CTNNA1: variants seen among roughly 807,000 people sequenced by gnomAD.
The protein encoded by CTNNA1 is catenin alpha-1.
A neutral mutation model predicts 98.4 loss-of-function variants in CTNNA1; 37 were observed. The observed-to-expected ratio is 0.38, with a 90% CI of 0.29 to 0.49. The LOEUF (loss-of-function observed/expected upper bound fraction) is 0.49. Ranked by LOEUF, CTNNA1 falls within the 20% of genes least tolerant of loss-of-function variation. The probability of loss-of-function intolerance (pLI) is 0.95; values close to 1 mark genes in which losing one functional copy is unlikely to be tolerated. For synonymous variants in CTNNA1, 404 were observed against 413.2 expected (o/e 0.98, Z 0.27); for missense variants, 761 against 1,147.2 (o/e 0.66, Z 4.86).
intron 14 of CTNNA1, among the ~76,000 whole-genome samples, chr5:138,930,217 C>G (rs947548140): frequency 7.2e-5 from 11 of 152,118 alleles, no homozygotes; most frequent in African/African-American, 2.7e-4. Flanking sequence ...GGTGTGATTC[C>G]AAAGCTTCCA....
chr5:138,866,191 ATAATTAAT>A (rs1024250293), intron 7 of CTNNA1, among the ~76,000 whole-genome samples: 2 of 152,154 alleles, frequency 1.3e-5, no homozygotes, highest in Non-Finnish European at 2.9e-5. Flanking sequence ...CGGTCTGGAA[ATAATTAAT>A]TAATTAAAAA....
chr5:138,885,036 T>TC (rs34597965), intron 7 of CTNNA1, among the ~76,000 whole-genome samples: 1 of 152,188 alleles, frequency 6.6e-6, no homozygotes, highest in Non-Finnish European at 1.5e-5. Context: ...CTCTTACTAT[T>TC]CCCTGTTGTC....
intron 4 of CTNNA1, 41 bp downstream of exon 4, chr5:138,810,245 G>C: frequency 1.3e-6 from 2 of 1,589,768 alleles, no homozygotes; most frequent in South Asian, 2.2e-5. Flanking sequence ...TTCTATCACA[G>C]GAAGATTGCT....
chr5:138,871,990 C>G lies in CTNNA1; in HGVS notation c.1063-14222C>G, dbSNP rs1189348045. 2.0e-5 allele frequency: 3 copies of G among 150,432 alleles called. No homozygotes were observed. The East Asian group carries it at 5.9e-4, about 29-fold the overall frequency. The allele number at this position is 150,432 out of a possible 1,614,324, so 9.3% of individuals were successfully genotyped here. On this transcript the variant is annotated intron_variant, in intron 7 of 17. Coordinates refer to ENST00000302763, the MANE Select transcript of CTNNA1 (RefSeq NM_001903.5). ...AGAGGTTTAAACCCCTTTGTCAAGGCATCTTTGATCATGATAGTTGAGAGA... is the reference window on the plus strand; with the variant it reads ...AGAGGTTTAAACCCCTTTGTCAAGGGATCTTTGATCATGATAGTTGAGAGA...
chr5:138,797,125 C>G (rs1477197562), intron 3 of CTNNA1, among the ~76,000 whole-genome samples: 1 of 152,156 alleles, frequency 6.6e-6, no homozygotes, highest in African/African-American at 2.4e-5. Flanking sequence ...TTTGCATGAA[C>G]TAGCAGCCAT....
intron 9 of CTNNA1, among the ~76,000 whole-genome samples, chr5:138,890,100 T>C (rs754937781): frequency 6.6e-6 from 1 of 152,194 alleles, no homozygotes; most frequent in Non-Finnish European, 1.5e-5. Context: ...AGGCCAACTT[T>C]GGTTTTAAGG....
intron 2 of CTNNA1, chr5:138,782,352 A>C (rs556017294): frequency 1.5e-5 from 7 of 477,682 alleles, no homozygotes; most frequent in South Asian, 9.3e-5. Flanking sequence ...TTGATTGTTA[A>C]GGTCTCTCAC....
At chr5:138,812,851 C>A (rs1407240315) in intron 5 of CTNNA1, among the ~76,000 whole-genome samples, 1 of 152,210 alleles carries the variant, frequency 6.6e-6, no homozygotes, top group East Asian at 1.9e-4. Context: ...CTTTGAAACC[C>A]TTCCTGTGCC....
Position 138,791,615 on chromosome 5 carries a change from C to CAAAAAAAA in CTNNA1, c.301+8263_301+8270dup, listed in dbSNP as rs1181055311. Among the ~76,000 whole-genome samples the CAAAAAAAA allele has an allele frequency of 4.8e-3, 194 of 40,292 alleles. 27 individuals carry two copies. The highest frequency in any genetic ancestry group is 0.021 in the African/African-American group (190 of 9,194). 26.4% of individuals were successfully genotyped at this position (40,292 alleles called of 152,430 possible). On this transcript the variant is annotated intron_variant, in intron 3 of 17. Coordinates refer to ENST00000302763, the MANE Select transcript of CTNNA1 (RefSeq NM_001903.5). ...CTGGAGACAGAGCAAGACTCCGTCTCAAAAAAAAAAAAAAAAAAAAAAAAA... is the reference window on the plus strand; with the variant it reads ...CTGGAGACAGAGCAAGACTCCGTCTCAAAAAAAAAAAAAAAAAAAAAAAAAAAAAAAAA...
intron 1 of CTNNA1, chr5:138,754,465 AATT>A (rs1346380655): frequency 6.6e-6 from 1 of 152,088 alleles, no homozygotes; most frequent in African/African-American, 2.4e-5. Flanking sequence ...CAGAATTTAC[AATT>A]ATTTGGAAAA....
chr5:138,838,176 C>G (rs1761967190), intron 7 of CTNNA1, among the ~76,000 whole-genome samples: 1 of 152,358 alleles, frequency 6.6e-6, no homozygotes, highest in Middle Eastern at 3.4e-3. Context: ...TCTGGGATTA[C>G]AGGCGTGAGC....
intron 7 of CTNNA1, among the ~76,000 whole-genome samples, chr5:138,831,848 A>G (rs1018351574): frequency 3.9e-5 from 6 of 152,224 alleles, no homozygotes; most frequent in African/African-American, 1.4e-4. Flanking sequence ...TGCTTGCTTA[A>G]TGAACTCATG....
intron 7 of CTNNA1, among the ~76,000 whole-genome samples, chr5:138,858,388 A>G (rs1386245543): frequency 6.6e-6 from 1 of 152,052 alleles, no homozygotes; most frequent in Non-Finnish European, 1.5e-5. Flanking sequence ...TGGCTTCCCA[A>G]AGTGCTAGGA....
At chr5:138,886,552 T>C (rs1416527129) in intron 8 of CTNNA1, among the ~76,000 whole-genome samples, 1 of 152,104 alleles carries the variant, frequency 6.6e-6, no homozygotes, top group Non-Finnish European at 1.5e-5. Context: ...GGTAGGAAAA[T>C]AAATTTAAAA....
At chr5:138,923,105 T>C (rs1489474838) in intron 11 of CTNNA1, among the ~76,000 whole-genome samples, 3 of 152,194 alleles carry the variant, frequency 2.0e-5, no homozygotes, top group Non-Finnish European at 4.4e-5. Context: ...ATCAACATGA[T>C]TTCTTTCAAT....
At position 138,824,641 on chromosome 5, in the gene CTNNA1, G is replaced by A. The variant is rs570687363; in HGVS notation, c.700G>A (p.Val234Ile). 6 of 1,614,232 alleles carry A rather than the reference G, an allele frequency of 3.7e-6. No homozygotes were observed. The highest frequency in any genetic ancestry group is 1.1e-5 in the South Asian group (1 of 91,082). Residue 234 changes from valine to isoleucine, a missense_variant, in exon 6 of 18, where the codon GTC becomes ATC. Physicochemically the swap from Val to Ile is conservative, Grantham distance 29. This residue lies in a region of CTNNA1 where 328 missense variants were observed against 354.3 expected (regional missense o/e 0.93). Coordinates refer to ENST00000302763, the MANE Select transcript of CTNNA1 (RefSeq NM_001903.5). ...CCAGGCATGCCTACAGCACCCTGAT[G>A]TCGCAGCCTATAAGGCCAACAGGGA... ...ASQACLQHPDVAAYKANRDLI... is the reference protein window; with the variant it reads ...ASQACLQHPDIAAYKANRDLI...
chr5:138,762,610 A>G (rs948713041), intron 1 of CTNNA1, among the ~76,000 whole-genome samples: 4 of 148,194 alleles, frequency 2.7e-5, no homozygotes, highest in African/African-American at 5.0e-5. Context: ...TCATCGATCA[A>G]CCCCTCTTTT....
At chr5:138,855,073 C>T (rs1373723340) in intron 7 of CTNNA1, among the ~76,000 whole-genome samples, 1 of 152,236 alleles carries the variant, frequency 6.6e-6, no homozygotes, top group Non-Finnish European at 1.5e-5. Context: ...GAGTCTCACT[C>T]TGTCACCCAG....
chr5:138,827,650 C>G lies in CTNNA1; in HGVS notation c.994C>G (p.Arg332Gly), dbSNP rs371052704. ...CTGCACGCGTGATGACCGTCGTGAG[C>G]GAATTGTGGCAGAGTGTAATGCTGT... Reference protein sequence around the residue: ...SSCTRDDRRERIVAECNAVRQ... With the variant: ...SSCTRDDRREGIVAECNAVRQ... The change falls in exon 7 of 18, where the codon CGA (arginine) becomes GGA (glycine). Residue 332 changes from arginine (R) to glycine (G), a missense_variant. Physicochemically the swap from Arg to Gly is moderately radical, Grantham distance 125. This residue lies in a region of CTNNA1 where 287 missense variants were observed against 436.0 expected (regional missense o/e 0.66). Transcript: ENST00000302763. 3.1e-6 allele frequency: 5 copies of G among 1,614,070 alleles called. No homozygotes were observed. The highest frequency in any genetic ancestry group is 4.2e-6 in the Non-Finnish European group (5 of 1,180,054).
Sources: gnomAD v4.1 joint callset for allele counts (sites outside exome capture counted in the v4.1 genomes callset) on GRCh38, gnomAD v4.1.1 for gene constraint, gnomAD v4.1.1 regional missense constraint, MANE v1.5 for transcripts, NCBI Gene and HGNC (gene_info 2026-07-23, HGNC 2026-07-21) for gene names.